The following RASGRP2 variants were observed in gnomAD, a reference collection of about 807,000 sequenced individuals.
The protein encoded by RASGRP2 is RAS guanyl-releasing protein 2.
In RASGRP2, 44 loss-of-function variants were observed where a neutral mutation model predicts 71.0. That is an observed-to-expected ratio of 0.62 (90% confidence interval 0.49 to 0.80). The LOEUF is 0.80. Ranked by LOEUF, RASGRP2 falls within the 30% of genes least tolerant of loss-of-function variation. The pLI, the probability that RASGRP2 is intolerant of heterozygous loss-of-function variation, is 0.00. For missense variants in RASGRP2, 663 were observed against 813.4 expected (o/e 0.82, Z 2.25); for synonymous variants, 350 against 330.7 (o/e 1.06, Z -0.63).
chr11:64,729,439 C>T (rs1029388880), intron 14 of RASGRP2, among the ~76,000 whole-genome samples: 1 of 151,720 alleles, frequency 6.6e-6, no homozygotes, highest in Non-Finnish European at 1.5e-5. Flanking sequence ...CAGGTTCAAG[C>T]GATTCTCATG....
intron 8 of RASGRP2, among the ~76,000 whole-genome samples, chr11:64,738,194 C>A (rs941124001): frequency 1.3e-5 from 2 of 152,118 alleles, no homozygotes; most frequent in Non-Finnish European, 2.9e-5. Flanking sequence ...ATAACACAAA[C>A]AACATTCCAT....
chr11:64,735,285 G>A lies in RASGRP2; in HGVS notation c.1297-58C>T. 1 of 1,419,320 alleles carries A rather than the reference G, an allele frequency of 7.0e-7. No individual in the cohort carries two copies. The allele number at this position is 1,419,320 out of a possible 1,614,324, so 87.9% of individuals were successfully genotyped here. Reference sequence around the variant, plus strand: ...AGAGGGGAGAGTAAAGGGGACATCAGGTCCTGTCCCTTCCCACGTTCCCAG... The same window carrying A: ...AGAGGGGAGAGTAAAGGGGACATCAAGTCCTGTCCCTTCCCACGTTCCCAG... On this transcript the variant is annotated intron_variant, in intron 11 of 16. Transcript: ENST00000394432. This position sits in a 1 kb window ranked among gnomAD's most constrained non-coding sequence, Gnocchi z 4.2.
intron 8 of RASGRP2, among the ~76,000 whole-genome samples, chr11:64,738,170 A>C (rs990625521): frequency 6.6e-6 from 1 of 152,236 alleles, no homozygotes; most frequent in African/African-American, 2.4e-5. Context: ...GGAATGAAAA[A>C]AGCAAGACAT....
chr11:64,729,109 G>A, intron 14 of RASGRP2, 67 bp from the exon 15 acceptor site: 3 of 1,489,048 alleles, frequency 2.0e-6, no homozygotes, highest in Non-Finnish European at 2.7e-6. Context: ...CCATCCCGCA[G>A]GCTTGTGCCC....
chr11:64,727,223 A>G, intron 16 of RASGRP2, 73 bp downstream of exon 16: 1 of 1,395,910 alleles, frequency 7.2e-7, no homozygotes, highest in Non-Finnish European at 1.0e-6. Flanking sequence ...TAAAGCACCC[A>G]TTTCCCTGAT....
rs2058089709 is a variant in RASGRP2 at position 64,740,588 on chromosome 11, C to A, written c.371+360G>T. On this transcript the variant is annotated intron_variant, in intron 5 of 16. Transcript: ENST00000394432. ...AATTCTACCCCGGAAGAGCCCCGAACCCTCAGAGCCCACGGAGACTTCATG... is the reference window on the plus strand; with the variant it reads ...AATTCTACCCCGGAAGAGCCCCGAAACCTCAGAGCCCACGGAGACTTCATG... 4 of 663,616 alleles carry A rather than the reference C, an allele frequency of 6.0e-6. No individual in the cohort carries two copies. In the Admixed American group the frequency reaches 6.4e-5, roughly 11 times the overall value. 41.1% of individuals were successfully genotyped at this position (663,616 alleles called of 1,614,324 possible).
intron 5 of RASGRP2, chr11:64,740,536 C>T: frequency 1.6e-6 from 1 of 639,598 alleles, no homozygotes; most frequent in Non-Finnish European, 3.0e-6. Flanking sequence ...GTACAAAGTG[C>T]CATGGAAAAC....
rs1169950743 is a variant in RASGRP2, at chr11:64,741,089, C to T, written c.240-10G>A. On this transcript the variant is annotated splice_polypyrimidine_tract_variant and intron_variant, in intron 4 of 16. Transcript: ENST00000394432. ...GGCGGAGATCCAGTACCTGGAGGAG[C>T]GGGGAGTCACCCAAGATAGCCCTTC... The T allele has an allele frequency of 2.5e-6, 4 of 1,611,288 alleles. No homozygotes were observed. Among genetic ancestry groups the T allele is most frequent in the East Asian group, 2.2e-5 (1 of 44,872 alleles).
chr11:64,742,863 C>T lies in RASGRP2; in HGVS notation c.4G>A (p.Ala2Thr). Residue 2 changes from alanine to threonine, a missense_variant, in exon 2 of 17, where the codon GCA (alanine) becomes ACA (threonine). Physicochemically the swap from Ala to Thr is moderately conservative, Grantham distance 58 (BLOSUM62 0). Coordinates refer to ENST00000394432, the MANE Select transcript of RASGRP2 (RefSeq NM_001098671.2). This position sits in a 1 kb window ranked among gnomAD's most constrained non-coding sequence, Gnocchi z 4.7. ...CCCTTGTCCAGGTCCAGGGTGCCTGCCATGGCCGCCGGCGCGGGGTGGGCT... is the reference window on the plus strand; with the variant it reads ...CCCTTGTCCAGGTCCAGGGTGCCTGTCATGGCCGCCGGCGCGGGGTGGGCT... M[A>T]GTLDLDKGCT... 1 of 1,594,194 alleles carries T rather than the reference C, an allele frequency of 6.3e-7. No homozygotes were observed. The highest frequency in any genetic ancestry group is 1.7e-5 in the Admixed American group (1 of 57,896).
chr11:64,736,859 T>C lies in RASGRP2; in HGVS notation c.989A>G (p.Asn330Ser), dbSNP rs144906532. The change falls in exon 9 of 17, where the codon AAC (asparagine) becomes AGC (serine). Residue 330 changes from asparagine (N) to serine (S), a missense_variant. Physicochemically the swap from Asn to Ser is conservative, Grantham distance 46. Transcript: ENST00000394432. ...AAAGAGCTGCTTCATCTTGGCCCCG[T>C]TGAGCCGGGTCCGGGCTGGGTCCAG... The part of the protein sequence containing the change: ...DWLDPARTRL[N>S]GAKMKQLFSI... The C allele has an allele frequency of 5.0e-6, 8 of 1,613,532 alleles. No homozygotes were observed. The African/African-American group carries it at 5.3e-5, about 11-fold the overall frequency.
At chr11:64,730,437 G>A (rs2057729264) in intron 12 of RASGRP2, among the ~76,000 whole-genome samples, 1 of 152,224 alleles carries the variant, frequency 6.6e-6, no homozygotes, top group African/African-American at 2.4e-5. Flanking sequence ...GGCCTGTCCT[G>A]CCCACTTCAC....
At chr11:64,728,361 C>T (rs569599793) in intron 15 of RASGRP2, among the ~76,000 whole-genome samples, 65 of 152,332 alleles carry the variant, frequency 4.3e-4, no homozygotes, top group African/African-American at 1.5e-3. Flanking sequence ...GGTCTCTCTC[C>T]TCAGCCTCAG....
intron 8 of RASGRP2, chr11:64,737,319 G>T: frequency 2.1e-6 from 1 of 477,506 alleles, no homozygotes; most frequent in Non-Finnish European, 3.9e-6. Flanking sequence ...GGGAGGCAAG[G>T]CAGCACAGGA....
chr11:64,741,563 C>T, intron 3 of RASGRP2, 62 bp from the exon 4 acceptor site: 2 of 1,423,906 alleles, frequency 1.4e-6, no homozygotes, highest in South Asian at 1.2e-5. Flanking sequence ...TGGAGGGAGG[C>T]TGGGGGCGGG....
chr11:64,743,721 G>C lies in RASGRP2; in HGVS notation c.-72+282C>G, dbSNP rs966444804. The C allele has an allele frequency of 4.3e-5, 15 of 346,580 alleles. No homozygotes were observed. In the Middle Eastern group the frequency reaches 1.5e-3, roughly 36 times the overall value. The allele number at this position is 346,580 out of a possible 1,614,324, so 21.5% of individuals were successfully genotyped here. ...GCACAGGCGAACTGTGAGCGCGCAC[G>C]GAGCAGGGTGTCCAGAGGGGGGCGC... On this transcript the variant is annotated intron_variant, in intron 1 of 16. Transcript: ENST00000394432. This position sits in a 1 kb window ranked among gnomAD's most constrained non-coding sequence, Gnocchi z 4.9.
In RASGRP2 at chr11:64,744,031, C is replaced by G. The variant is rs2058230032; in HGVS notation, c.-100G>C. The G allele has an allele frequency of 1.0e-6, 1 of 988,046 alleles. No individual in the cohort carries two copies. Among genetic ancestry groups the G allele is most frequent in the Non-Finnish European group, 1.2e-6 (1 of 830,904 alleles). The allele number at this position is 988,046 out of a possible 1,614,324, so 61.2% of individuals were successfully genotyped here. ...GCTCGTCCACCCCAGAATGCAAACCCGCGGACGAGGTCGCCTCCTGGACGT... is the reference window on the plus strand; with the variant it reads ...GCTCGTCCACCCCAGAATGCAAACCGGCGGACGAGGTCGCCTCCTGGACGT... On this transcript the variant is annotated 5_prime_UTR_variant, in exon 1 of 17. Coordinates refer to ENST00000394432, the MANE Select transcript of RASGRP2 (RefSeq NM_001098671.2).
At chr11:64,728,467 G>A (rs1013492018) in intron 15 of RASGRP2, among the ~76,000 whole-genome samples, 1 of 148,218 alleles carries the variant, frequency 6.7e-6, no homozygotes, top group Admixed American at 6.8e-5. Flanking sequence ...TTGCTCTATC[G>A]CCCAGGCTGG....
Position 64,743,209 on chromosome 11 carries a change from G to A in RASGRP2, c.-71-272C>T. The A allele has an allele frequency of 1.9e-6, 1 of 537,718 alleles. No homozygotes were observed. Among genetic ancestry groups the A allele is most frequent in the Non-Finnish European group, 3.6e-6 (1 of 280,186 alleles). 33.3% of individuals were successfully genotyped at this position (537,718 alleles called of 1,614,324 possible). A position where few individuals can be genotyped will look rare whatever the true frequency, so the allele number is the denominator to read the frequency against. On this transcript the variant is annotated intron_variant, in intron 1 of 16. Coordinates refer to ENST00000394432, the MANE Select transcript of RASGRP2 (RefSeq NM_001098671.2). The surrounding 1 kb of genome is among the most constrained non-coding windows in gnomAD (Gnocchi z 4.9). ...GGGACGAACCAAGATCCCAGGACTG[G>A]CTGGCGCCCAGCCCCCCGCAGGGCG...
upstream of RASGRP2, chr11:64,744,842 T>TCCACGCCGCGGCCCCGCTCC (rs2058255483): frequency 6.9e-6 from 1 of 145,926 alleles, no homozygotes; most frequent in South Asian, 1.8e-4. Context: ...CCGCCCGCTC[T>TCCACGCCGCGGCCCCGCTCC]CCACGCCGCG....
Sources: allele counts gnomAD v4.1 joint callset (sites outside exome capture counted in the v4.1 genomes callset), GRCh38; gene constraint gnomAD v4.1.1; non-coding constraint Gnocchi (gnomAD v3.1); transcripts MANE v1.5; gene names NCBI Gene and HGNC (gene_info 2026-07-23, HGNC 2026-07-21).